Variants in SWAP70 observed in about 807,000 individuals in gnomAD.
The protein encoded by SWAP70 is switching B cell complex subunit SWAP70, also known as switch-associated protein 70.
Under a neutral mutation model 80.2 loss-of-function variants are expected in SWAP70, and 34 were observed. The observed-to-expected ratio is 0.42, with a 90% CI of 0.32 to 0.56. The LOEUF is 0.56. SWAP70 is among the 20% of genes least tolerant of loss of function. The pLI is 0.09. For missense variants in SWAP70, 578 were observed against 690.7 expected (o/e 0.84, Z 1.83); for synonymous variants, 239 against 238.5 (o/e 1.00, Z -0.02).
intron 1 of SWAP70, among the ~76,000 whole-genome samples, chr11:9,671,771 AAATAT>A (rs1284372918): frequency 9.0e-4 from 3 of 3,332 alleles, no homozygotes; most frequent in African/African-American, 1.5e-3. Context: ...TATATAATAT[AAATAT>A]AATATATTAT....
chr11:9,730,812 G>A (rs1300097068), intron 6 of SWAP70, among the ~76,000 whole-genome samples: 2 of 152,158 alleles, frequency 1.3e-5, no homozygotes, highest in Non-Finnish European at 2.9e-5. Flanking sequence ...AGGGGTACAT[G>A]TGCAGGTCTG....
intron 2 of SWAP70, among the ~76,000 whole-genome samples, chr11:9,699,950 C>T (rs565061670): frequency 1.3e-4 from 19 of 151,268 alleles, no homozygotes; most frequent in South Asian, 6.2e-4. Flanking sequence ...ATAGAACATA[C>T]TGGGAAATTC....
intron 2 of SWAP70, among the ~76,000 whole-genome samples, chr11:9,696,635 A>G (rs1300633367): frequency 2.6e-5 from 4 of 152,180 alleles, no homozygotes. Context: ...TTATGTGACC[A>G]GTAGGATATA....
At chr11:9,707,395 T>C (rs1850929011) in intron 2 of SWAP70, among the ~76,000 whole-genome samples, 1 of 149,576 alleles carries the variant, frequency 6.7e-6, no homozygotes. Flanking sequence ...CCTTCTATTA[T>C]AAGTAGAATC....
chr11:9,697,069 A>T (rs1232566347), intron 2 of SWAP70, among the ~76,000 whole-genome samples: 1 of 151,988 alleles, frequency 6.6e-6, no homozygotes, highest in African/African-American at 2.4e-5. Flanking sequence ...ATAAAACATT[A>T]AAAAAATTTT....
chr11:9,706,316 A>G (rs969230633), intron 2 of SWAP70, among the ~76,000 whole-genome samples: 6 of 145,702 alleles, frequency 4.1e-5, no homozygotes, highest in African/African-American at 1.0e-4. Context: ...GGTGATCTGT[A>G]TACACTGGTG....
chr11:9,671,186 AT>A (rs1850374812), intron 1 of SWAP70, among the ~76,000 whole-genome samples: 2 of 106,106 alleles, frequency 1.9e-5, no homozygotes, highest in Non-Finnish European at 3.4e-5. Flanking sequence ...AAATATAAAA[AT>A]ATATAAAATA....
At chr11:9,740,057 G>A (rs1851415576) in intron 8 of SWAP70, 124 bp from the exon 9 acceptor site, 6 of 767,232 alleles carry the variant, frequency 7.8e-6, no homozygotes, top group Non-Finnish European at 1.3e-5. Context: ...AAGGATTGAA[G>A]GACAGGGTCC....
At chr11:9,749,813 T>A (rs1446543020) in intron 11 of SWAP70, 51 bp from the exon 12 acceptor site, 4 of 1,158,098 alleles carry the variant, frequency 3.5e-6, no homozygotes, top group Non-Finnish European at 5.2e-6. Flanking sequence ...AATGATGGGG[T>A]ATCCTGAAGA....
rs1279632855 is a variant in SWAP70, at chr11:9,713,659, G to GTTTTT, written c.414+21_414+25dup. 13 of 1,595,174 alleles carry GTTTTT rather than the reference G, an allele frequency of 8.1e-6. No homozygotes were observed. The highest frequency in any genetic ancestry group is 1.0e-5 in the Non-Finnish European group (12 of 1,171,926). On this transcript the variant is annotated intron_variant, in intron 3 of 11. Transcript: ENST00000318950. The stretch of plus-strand genomic sequence containing the variant: ...GAAGAGGTAAGGTGTGGCTTGGGGA[G>GTTTTT]TTTTTACTTGGTCATTTTAGCATTT...
intron 1 of SWAP70, among the ~76,000 whole-genome samples, chr11:9,685,603 TCTTGA>T (rs72159670): frequency 0.19 from 29,281 of 151,820 alleles, 3,510 homozygotes; most frequent in Non-Finnish European, 0.27. Flanking sequence ...AGTTCCGCTC[TCTTGA>T]CTTAATCACC....
chr11:9,738,333 T>A lies in SWAP70; in HGVS notation c.1188+13T>A, dbSNP rs752142880. The A allele has an allele frequency of 6.4e-7, 1 of 1,571,244 alleles. No homozygotes were observed. The highest frequency in any genetic ancestry group is 2.3e-5 in the East Asian group (1 of 42,570). On this transcript the variant is annotated intron_variant, in intron 8 of 11. Transcript: ENST00000318950. ...AAGAGAGAAGCTTGTGAGTATCACA[T>A]GGCTGGAGAAAGCAGCTGCAGTAGC... is the stretch of plus-strand genomic sequence containing the variant.
intron 2 of SWAP70, among the ~76,000 whole-genome samples, chr11:9,699,691 TA>T (rs1232588518): frequency 6.6e-6 from 1 of 151,846 alleles, no homozygotes; most frequent in Admixed American, 6.6e-5. Context: ...CCTATCTCTA[TA>T]AAAAAACTTA....
intron 7 of SWAP70, among the ~76,000 whole-genome samples, chr11:9,733,221 T>C (rs1365889549): frequency 6.6e-6 from 1 of 152,182 alleles, no homozygotes; most frequent in Non-Finnish European, 1.5e-5. Context: ...TATGAGATAG[T>C]TGATGTTCAC....
chr11:9,673,150 C>G (rs1380270425), intron 1 of SWAP70, among the ~76,000 whole-genome samples: 1 of 152,190 alleles, frequency 6.6e-6, no homozygotes, highest in Non-Finnish European at 1.5e-5. Context: ...AGGGCTCAGT[C>G]CCACAAGACG....
intron 1 of SWAP70, among the ~76,000 whole-genome samples, chr11:9,684,172 C>G (rs1375348114): frequency 6.6e-6 from 1 of 152,104 alleles, no homozygotes; most frequent in Non-Finnish European, 1.5e-5. Flanking sequence ...ACCTTGAACT[C>G]CTAGGCTCAA....
At chr11:9,672,205 A>G (rs1267548659) in intron 1 of SWAP70, among the ~76,000 whole-genome samples, 70 of 126,234 alleles carry the variant, frequency 5.5e-4, no homozygotes, top group African/African-American at 1.2e-3. Flanking sequence ...CTATATATAT[A>G]TATATATATA....
At chr11:9,691,127 A>G (rs1056787387) in intron 1 of SWAP70, among the ~76,000 whole-genome samples, 6 of 152,170 alleles carry the variant, frequency 3.9e-5, no homozygotes, top group Admixed American at 2.6e-4. Context: ...CATGTTGTCC[A>G]GGTTGGTATT....
intron 9 of SWAP70, among the ~76,000 whole-genome samples, chr11:9,746,284 G>C (rs1215539382): frequency 6.6e-6 from 1 of 152,108 alleles, no homozygotes; most frequent in Non-Finnish European, 1.5e-5. Flanking sequence ...TTCTACTATG[G>C]CAGTTCCCCT....
Sources: allele counts gnomAD v4.1 joint callset (sites outside exome capture counted in the v4.1 genomes callset), GRCh38; gene constraint gnomAD v4.1.1; transcripts MANE v1.5; gene names NCBI Gene and HGNC (gene_info 2026-07-23, HGNC 2026-07-21).